PSMD1: variants seen among roughly 807,000 people sequenced by gnomAD.
PSMD1 encodes the protein proteasome 26S subunit, non-ATPase 1, also known as 26S proteasome non-ATPase regulatory subunit 1.
Under a neutral mutation model 119.0 loss-of-function variants are expected in PSMD1, and 18 were observed. The ratio of observed to expected loss-of-function variants is 0.15; its 90% CI spans 0.10 to 0.22. PSMD1 has a LOEUF of 0.22. Among genes scored for constraint, PSMD1 ranks in the 10% least tolerant of loss-of-function variants. The pLI is 1.00. For synonymous variants in PSMD1, 374 were observed against 396.6 expected (o/e 0.94, Z 0.68); for missense variants, 702 against 1,158.5 (o/e 0.61, Z 5.72).
chr2:231,062,384 T>C lies in PSMD1; in HGVS notation c.134+63T>C, dbSNP rs1011158095. 1.2e-4 allele frequency: 182 copies of C among 1,502,496 alleles called. No individual in the cohort carries two copies. The East Asian group carries it at 4.1e-3, about 34-fold the overall frequency. The allele number at this position is 1,502,496 out of a possible 1,614,324, so 93.1% of individuals were successfully genotyped here. On this transcript the variant is annotated intron_variant, in intron 3 of 24. Transcript: ENST00000308696. ...CAAATTTAATTGTGAATGTGGGTCT[T>C]GTGGCTTATTGATTCATTTAGAAAT...
At position 231,109,148 on chromosome 2, in the gene PSMD1, T is replaced by C. The variant is rs1695069005; in HGVS notation, c.1883+21967T>C. On this transcript the variant is annotated intron_variant, in intron 16 of 24. Transcript: ENST00000308696. ...CTTTTCCGGTGACGAGCAAGGTGTT[T>C]CATCCCTTTGGAAAACTGTAGACAC... 6.2e-7 allele frequency: 1 copy of C among 1,614,070 alleles called. No individual in the cohort carries two copies. The highest frequency in any genetic ancestry group is 8.5e-7 in the Non-Finnish European group (1 of 1,180,012).
chr2:231,131,741 G>A (rs1695857174), intron 16 of PSMD1, among the ~76,000 whole-genome samples: 2 of 122,212 alleles, frequency 1.6e-5, no homozygotes, highest in South Asian at 5.8e-4. Flanking sequence ...CAGCCTGGGC[G>A]ACAGAGCGAG....
chr2:231,130,482 G>GT (rs1186168632), intron 16 of PSMD1, among the ~76,000 whole-genome samples: 2 of 151,812 alleles, frequency 1.3e-5, no homozygotes, highest in Non-Finnish European at 2.9e-5. Context: ...GTTTTGTTTT[G>GT]TTTTTTGAGA....
At chr2:231,111,144 A>C (rs1335348408) in intron 16 of PSMD1, among the ~76,000 whole-genome samples, 3 of 152,086 alleles carry the variant, frequency 2.0e-5, no homozygotes, top group Non-Finnish European at 4.4e-5. Flanking sequence ...ACTTCATCCC[A>C]TTCGTGACCC....
intron 18 of PSMD1, among the ~76,000 whole-genome samples, chr2:231,150,368 A>G (rs1441038085): frequency 6.6e-6 from 1 of 151,800 alleles, no homozygotes; most frequent in Non-Finnish European, 1.5e-5. Context: ...AAAAAAAAGT[A>G]TATATGTCTA....
rs754924408 is a variant in PSMD1, at chr2:231,080,255, A to G, written c.1354A>G (p.Asn452Asp). 1.2e-6 allele frequency: 2 copies of G among 1,613,180 alleles called. No individual in the cohort carries two copies. Among genetic ancestry groups the G allele is most frequent in the Non-Finnish European group, 8.5e-7 (1 of 1,179,164 alleles). ...CTATGCACTAGGTCTTATTCATGCC[A>G]ATCATGGTGGTGATATAATTGACTA... is the stretch of plus-strand genomic sequence containing the variant. Reference protein sequence around the residue: ...GLYALGLIHANHGGDIIDYLL... With the variant: ...GLYALGLIHADHGGDIIDYLL... The change falls in exon 12 of 25, where the codon AAT (asparagine) becomes GAT (aspartate). Residue 452 changes from asparagine to aspartate, a missense_variant. Physicochemically the swap from Asn to Asp is conservative, Grantham distance 23. Transcript: ENST00000308696.
At chr2:231,156,575 A>G (rs1223118003) in intron 19 of PSMD1, among the ~76,000 whole-genome samples, 1 of 152,062 alleles carries the variant, frequency 6.6e-6, no homozygotes, top group Non-Finnish European at 1.5e-5. Flanking sequence ...TAATAGATAA[A>G]GTTTTGAATT....
intron 16 of PSMD1, among the ~76,000 whole-genome samples, chr2:231,106,643 CAAGGAAATTTTTCTT>C (rs1230678936): frequency 6.6e-6 from 1 of 151,900 alleles, no homozygotes; most frequent in African/African-American, 2.4e-5. Flanking sequence ...AAATTGTAAG[CAAGGAAATTTTTCTT>C]AAGGGTTTGA....
chr2:231,060,999 G>A (rs1455957816), intron 1 of PSMD1, among the ~76,000 whole-genome samples: 3 of 152,174 alleles, frequency 2.0e-5, no homozygotes, highest in Admixed American at 6.5e-5. Flanking sequence ...AGGTTCCCAG[G>A]CAATGCTGTT....
intron 4 of PSMD1, among the ~76,000 whole-genome samples, chr2:231,063,672 T>C (rs1201089628): frequency 6.6e-6 from 1 of 152,226 alleles, no homozygotes. Context: ...TTTATTGCTG[T>C]TGGAGGCTCA....
At position 231,111,561 on chromosome 2, in the gene PSMD1, A is replaced by G. The variant is rs538310171; in HGVS notation, c.1883+24380A>G. 3.9e-5 allele frequency among the ~76,000 whole-genome samples: 6 copies of G among 152,348 alleles called. No individual in the cohort carries two copies. In the East Asian group the frequency reaches 7.7e-4, roughly 20 times the overall value. On this transcript the variant is annotated intron_variant, in intron 16 of 24. Coordinates refer to ENST00000308696, the MANE Select transcript of PSMD1 (RefSeq NM_002807.4). The stretch of plus-strand genomic sequence containing the variant: ...TATTACCTAGAATAACTGTAAATCC[A>G]AAAGAAGAGAGTGAGCTCTCTTCAG...
At chr2:231,157,261 C>CA (rs1392528274) in intron 19 of PSMD1, among the ~76,000 whole-genome samples, 1 of 150,296 alleles carries the variant, frequency 6.7e-6, no homozygotes, top group Admixed American at 6.6e-5. Flanking sequence ...AGGAGCAATA[C>CA]AAAAAAAGAA....
chr2:231,113,965 T>C lies in PSMD1; in HGVS notation c.1884-24771T>C, dbSNP rs776917018. ...CAAAAACAAGACAAACATTTTATTC[T>C]ATAAAATGGCAACTTTCAGTCTACA... On this transcript the variant is annotated intron_variant, in intron 16 of 24. Transcript: ENST00000308696. 1.1e-5 allele frequency: 17 copies of C among 1,544,048 alleles called. No individual in the cohort carries two copies. The East Asian group carries it at 2.3e-4, about 21-fold the overall frequency.
intron 10 of PSMD1, 47 bp downstream of exon 10, chr2:231,078,794 T>TTTC: frequency 2.1e-6 from 2 of 970,142 alleles, no homozygotes; most frequent in South Asian, 3.8e-5. Context: ...TCTTTTTCTT[T>TTTC]TTTTTTTTTT....
In PSMD1 at chr2:231,078,858, G is replaced by A. The variant is rs145070821; in HGVS notation, c.1160+111G>A. On this transcript the variant is annotated intron_variant, in intron 10 of 24. Coordinates refer to ENST00000308696, the MANE Select transcript of PSMD1 (RefSeq NM_002807.4). ...GGCCCAGGCCGGAGGGCAGTGATGC[G>A]ATCTCGGCTCACTGCAACTTCCATC... The A allele has an allele frequency of 1.2e-4, 83 of 692,740 alleles. No individual in the cohort carries two copies. The African/African-American group carries it at 1.6e-3, about 13-fold the overall frequency. The allele number at this position is 692,740 out of a possible 1,614,324, so 42.9% of individuals were successfully genotyped here. A position where few individuals can be genotyped will look rare whatever the true frequency, so the allele number is the denominator to read the frequency against.
chr2:231,145,652 G>C (rs766897818), intron 17 of PSMD1, among the ~76,000 whole-genome samples: 23 of 152,018 alleles, frequency 1.5e-4, no homozygotes, highest in Non-Finnish European at 3.1e-4. Context: ...GCAGCACTTT[G>C]GGAGGCTGAG....
chr2:231,098,152 T>C (rs745626558), intron 16 of PSMD1, among the ~76,000 whole-genome samples: 1 of 152,162 alleles, frequency 6.6e-6, no homozygotes, highest in Admixed American at 6.5e-5. Context: ...TTAAATGCAT[T>C]TGGGCCATCC....
intron 12 of PSMD1, among the ~76,000 whole-genome samples, chr2:231,082,071 A>G (rs1302550978): frequency 6.6e-6 from 1 of 151,846 alleles, no homozygotes; most frequent in Non-Finnish European, 1.5e-5. Flanking sequence ...ATTTATTATC[A>G]TTATTTTTTG....
intron 7 of PSMD1, among the ~76,000 whole-genome samples, chr2:231,074,266 C>T (rs749676021): frequency 1.4e-4 from 22 of 152,026 alleles, no homozygotes; most frequent in African/African-American, 3.4e-4. Context: ...CTATCATGCC[C>T]GGCTAATTTT....
Sources: allele counts gnomAD v4.1 joint callset (sites outside exome capture counted in the v4.1 genomes callset), GRCh38; gene constraint gnomAD v4.1.1; transcripts MANE v1.5; gene names NCBI Gene and HGNC (gene_info 2026-07-23, HGNC 2026-07-21).